Variants in SH2D4B observed in about 807,000 individuals in gnomAD.
SH2D4B encodes the protein SH2 domain containing 4B.
SH2D4B carries 45 observed loss-of-function variants against 61.5 expected under a neutral mutation model. The ratio of observed to expected loss-of-function variants is 0.73; its 90% confidence interval spans 0.58 to 0.94. The LOEUF (loss-of-function observed/expected upper bound fraction) is 0.94. SH2D4B is among the 40% of genes least tolerant of loss of function. The pLI is 0.00. For missense variants in SH2D4B, 572 were observed against 574.2 expected (o/e 1.00, Z 0.04); for synonymous variants, 224 against 220.4 (o/e 1.02, Z -0.14).
intron 3 of SH2D4B, among the ~76,000 whole-genome samples, chr10:80,587,111 A>G (rs890022124): frequency 2.1e-5 from 3 of 143,574 alleles, no homozygotes; most frequent in African/African-American, 7.6e-5. Context: ...GAGACCAAGA[A>G]CCCACCAATT....
At chr10:80,569,066 T>C (rs1842006159) in intron 1 of SH2D4B, among the ~76,000 whole-genome samples, 1 of 152,248 alleles carries the variant, frequency 6.6e-6, no homozygotes, top group Non-Finnish European at 1.5e-5. Flanking sequence ...GATACATTTT[T>C]ATTTTAATCC....
At chr10:80,547,017 C>G (rs1185190506) in intron 1 of SH2D4B, among the ~76,000 whole-genome samples, 1 of 152,104 alleles carries the variant, frequency 6.6e-6, no homozygotes. Flanking sequence ...TGTATTTCAT[C>G]TCTCAAGATT....
In SH2D4B at chr10:80,560,243, T is replaced by C. The variant is rs544300581; in HGVS notation, c.185-9911T>C. 1.0e-3 allele frequency among the ~76,000 whole-genome samples: 156 copies of C among 152,240 alleles called. 4 individuals are homozygous for C. The highest frequency in any genetic ancestry group is 2.8e-3 in the African/African-American group (116 of 41,564). ...ACCTCGTGATCCACCTACCTCGGCC[T>C]CCCAAAGTGCTGGGATTACAGGCGT... On this transcript the variant is annotated intron_variant, in intron 1 of 7. Coordinates refer to ENST00000646907, the MANE Select transcript of SH2D4B (RefSeq NM_001388272.1).
chr10:80,598,630 T>A (rs760437914), intron 4 of SH2D4B, among the ~76,000 whole-genome samples: 1 of 152,194 alleles, frequency 6.6e-6, no homozygotes, highest in Non-Finnish European at 1.5e-5. Flanking sequence ...CCAAATTAAA[T>A]TTTCCAAGTT....
intron 3 of SH2D4B, among the ~76,000 whole-genome samples, chr10:80,583,879 A>G (rs1842213899): frequency 6.6e-6 from 1 of 152,212 alleles, no homozygotes; most frequent in Non-Finnish European, 1.5e-5. Flanking sequence ...CAAGTGGCCA[A>G]CACAATCAAC....
At chr10:80,549,903 G>T (rs911668322) in intron 1 of SH2D4B, among the ~76,000 whole-genome samples, 3 of 152,226 alleles carry the variant, frequency 2.0e-5, no homozygotes, top group African/African-American at 7.2e-5. Context: ...TTGGTACCTG[G>T]CAGGCATGGG....
intron 1 of SH2D4B, among the ~76,000 whole-genome samples, chr10:80,557,450 T>C (rs2132110212): frequency 6.6e-6 from 1 of 152,266 alleles, no homozygotes; most frequent in East Asian, 1.9e-4. Flanking sequence ...GCATTTGGTA[T>C]TATTTCTTCC....
At chr10:80,618,483 G>C (rs754760216) in intron 6 of SH2D4B, among the ~76,000 whole-genome samples, 2 of 152,124 alleles carry the variant, frequency 1.3e-5, no homozygotes, top group Admixed American at 1.3e-4. Flanking sequence ...TTCATTTGGC[G>C]TTATAAAAAA....
intron 3 of SH2D4B, among the ~76,000 whole-genome samples, chr10:80,584,416 T>A (rs920675494): frequency 1.3e-5 from 2 of 152,190 alleles, no homozygotes; most frequent in African/African-American, 4.8e-5. Flanking sequence ...ATTTACTACA[T>A]CTGAGAAAAC....
At chr10:80,613,362 GT>G (rs1842624440) in intron 6 of SH2D4B, among the ~76,000 whole-genome samples, 1 of 152,248 alleles carries the variant, frequency 6.6e-6, no homozygotes, top group Admixed American at 6.5e-5. Context: ...TATTAAGAAT[GT>G]TCTCTGTCTG....
Position 80,607,653 on chromosome 10 carries a change from T to C in SH2D4B, c.861-1771T>C, listed in dbSNP as rs552438508. ...ATGCCCCACGGATTTATTCTGGGCT[T>C]ATAAGGAGGTACGCTGAGCACAGTG... On this transcript the variant is annotated intron_variant, in intron 5 of 7. Transcript: ENST00000646907. Among the ~76,000 whole-genome samples, 5 of 152,348 alleles carry C rather than the reference T, an allele frequency of 3.3e-5. No homozygotes were observed. The East Asian group carries it at 9.6e-4, about 29-fold the overall frequency.
At chr10:80,550,806 T>C (rs908448012) in intron 1 of SH2D4B, among the ~76,000 whole-genome samples, 3 of 151,940 alleles carry the variant, frequency 2.0e-5, no homozygotes, top group Non-Finnish European at 4.4e-5. Flanking sequence ...CAAGTAGGAG[T>C]TGGAATTAGA....
intron 1 of SH2D4B, among the ~76,000 whole-genome samples, chr10:80,560,148 C>T (rs941437014): frequency 1.4e-4 from 21 of 151,516 alleles, no homozygotes; most frequent in Middle Eastern, 3.4e-3. Context: ...CCACCTCGCC[C>T]GGCTAATTTT....
chr10:80,637,790 C>T (rs1446206942), intron 7 of SH2D4B, among the ~76,000 whole-genome samples: 2 of 152,212 alleles, frequency 1.3e-5, no homozygotes, highest in African/African-American at 4.8e-5. Context: ...TTTCTCCTGC[C>T]TGATTGCCCT....
intron 3 of SH2D4B, among the ~76,000 whole-genome samples, chr10:80,584,256 CA>C (rs1842216906): frequency 6.6e-6 from 1 of 152,052 alleles, no homozygotes; most frequent in South Asian, 2.1e-4. Context: ...AGAGGTGTGC[CA>C]TTTGTAGGTG....
At chr10:80,616,606 G>C (rs890453271) in intron 6 of SH2D4B, among the ~76,000 whole-genome samples, 1 of 150,672 alleles carries the variant, frequency 6.6e-6, no homozygotes, top group African/African-American at 2.5e-5. Context: ...GGGGCTGTCT[G>C]TCTGGTGCAC....
At chr10:80,579,889 A>G (rs1490471530) in intron 3 of SH2D4B, among the ~76,000 whole-genome samples, 1 of 152,208 alleles carries the variant, frequency 6.6e-6, no homozygotes. Context: ...CGACAAAACA[A>G]CATGATGTGG....
chr10:80,599,371 G>A (rs1842419348), intron 4 of SH2D4B, among the ~76,000 whole-genome samples: 1 of 152,146 alleles, frequency 6.6e-6, no homozygotes, highest in Admixed American at 6.5e-5. Flanking sequence ...AACTCTCCTT[G>A]AACTCTAGGT....
intron 3 of SH2D4B, among the ~76,000 whole-genome samples, chr10:80,584,009 T>C (rs977495512): frequency 6.6e-6 from 1 of 152,194 alleles, no homozygotes; most frequent in African/African-American, 2.4e-5. Flanking sequence ...GAGAATCAGA[T>C]TGGTAGTTCT....
Sources: allele counts gnomAD v4.1 joint callset (sites outside exome capture counted in the v4.1 genomes callset), GRCh38; gene constraint gnomAD v4.1.1; transcripts MANE v1.5; gene names NCBI Gene and HGNC (gene_info 2026-07-23, HGNC 2026-07-21).